NCR3LG1: variants seen among roughly 807,000 people sequenced by gnomAD.
NCR3LG1 encodes the protein natural killer cell cytotoxicity receptor 3 ligand 1.
NCR3LG1 carries 35 observed loss-of-function variants against 34.8 expected under a neutral mutation model. The observed-to-expected ratio is 1.01, with a 90% CI of 0.77 to 1.33. NCR3LG1 has a LOEUF of 1.33. NCR3LG1 is among the 40% of genes most tolerant of loss of function. The probability of loss-of-function intolerance (pLI) is 0.00; values close to 1 mark genes in which losing one functional copy is unlikely to be tolerated. For missense variants in NCR3LG1, 452 were observed against 423.3 expected (o/e 1.07, Z -0.60); for synonymous variants, 173 against 163.6 (o/e 1.06, Z -0.44).
rs569921012 is a variant in NCR3LG1 at position 17,351,899 on chromosome 11, C to G, written c.-71C>G. The G allele has an allele frequency of 2.4e-6, 3 of 1,230,628 alleles. No individual in the cohort carries two copies. Among genetic ancestry groups the G allele is most frequent in the East Asian group, 5.1e-5 (2 of 38,986 alleles). 76.2% of individuals were successfully genotyped at this position (1,230,628 alleles called of 1,614,324 possible). The stretch of plus-strand genomic sequence containing the variant: ...ACTCTTTACGCAACAGAGGTCTCCC[C>G]CTGCCCTTGGTTTCTACCGGGCCGC... On this transcript the variant is annotated 5_prime_UTR_variant, in exon 1 of 5. Coordinates refer to ENST00000338965, the MANE Select transcript of NCR3LG1 (RefSeq NM_001202439.3).
intron 2 of NCR3LG1, among the ~76,000 whole-genome samples, chr11:17,365,266 T>C (rs374634936): frequency 5.0e-4 from 76 of 152,322 alleles, no homozygotes; most frequent in African/African-American, 1.8e-3. Context: ...GTTTCTCTAG[T>C]GTTTTTTTCT....
chr11:17,356,885 G>A lies in NCR3LG1; in HGVS notation c.305G>A (p.Ser102Asn). The A allele has an allele frequency of 4.6e-6, 7 of 1,536,182 alleles. No individual in the cohort carries two copies. The highest frequency in any genetic ancestry group is 1.2e-5 in the South Asian group (1 of 84,064). ...ATTGTGTCTCCATGGAGGCTGAAGA[G>A]TGGGGACGCCTCACTGCGGCTGCCT... ...GAIVSPWRLKSGDASLRLPGI... is the reference protein window; with the variant it reads ...GAIVSPWRLKNGDASLRLPGI... Residue 102 changes from serine to asparagine, a missense_variant, in exon 2 of 5, where the codon AGT (serine) becomes AAT (asparagine). Transcript: ENST00000338965.
In NCR3LG1 at chr11:17,356,662, G is replaced by A; in HGVS notation, c.82G>A (p.Val28Ile). The change falls in exon 2 of 5, where the codon GTA (valine) becomes ATA (isoleucine). Residue 28 changes from valine (V) to isoleucine (I), a missense_variant. Physicochemically the swap from Val to Ile is conservative, Grantham distance 29. Coordinates refer to ENST00000338965, the MANE Select transcript of NCR3LG1 (RefSeq NM_001202439.3). ...TCTTATTGCCACAGGTGATCTGAAA[G>A]TAGAGATGATGGCAGGGGGGACTCA... ...WALTTEGDLK[V>I]EMMAGGTQIT... 6.5e-7 allele frequency: 1 copy of A among 1,532,366 alleles called. No individual in the cohort carries two copies. The highest frequency in any genetic ancestry group is 8.7e-7 in the Non-Finnish European group (1 of 1,144,554). 94.9% of individuals were successfully genotyped at this position (1,532,366 alleles called of 1,614,324 possible).
chr11:17,357,704 T>G (rs903255054), intron 2 of NCR3LG1, among the ~76,000 whole-genome samples: 8 of 151,822 alleles, frequency 5.3e-5, no homozygotes, highest in Non-Finnish European at 1.0e-4. Context: ...GCTTTATATA[T>G]CTATATAAAG....
chr11:17,366,944 C>A, intron 2 of NCR3LG1, 65 bp from the exon 3 acceptor site: 3 of 1,200,448 alleles, frequency 2.5e-6, no homozygotes, highest in Non-Finnish European at 2.3e-6. Context: ...AGCCAGTTAG[C>A]ATAAGGTGTG....
chr11:17,356,758 T>C lies in NCR3LG1; in HGVS notation c.178T>C (p.Ser60Pro). The part of the protein sequence containing the change: ...IFYSQPLNIT[S>P]MGITWFWKSL... ...TTATTCCCAACCCCTCAACATCACG[T>C]CTATGGGTATCACCTGGTTTTGGAA... Residue 60 changes from serine (S) to proline (P), a missense_variant, in exon 2 of 5, where the codon TCT (serine) becomes CCT (proline). By Grantham distance (74) the Ser-to-Pro change is moderately conservative (BLOSUM62 -1). Transcript: ENST00000338965. 1 of 1,536,394 alleles carries C rather than the reference T, an allele frequency of 6.5e-7. No homozygotes were observed. The highest frequency in any genetic ancestry group is 8.7e-7 in the Non-Finnish European group (1 of 1,146,964).
chr11:17,370,849 A>G (rs888374826), intron 4 of NCR3LG1, among the ~76,000 whole-genome samples: 7 of 152,164 alleles, frequency 4.6e-5, no homozygotes, highest in Non-Finnish European at 7.4e-5. Flanking sequence ...TTTGTATGCA[A>G]TGTTGTGGGT....
At chr11:17,361,043 A>G (rs2133347741) in intron 2 of NCR3LG1, among the ~76,000 whole-genome samples, 1 of 151,984 alleles carries the variant, frequency 6.6e-6, no homozygotes, top group East Asian at 1.9e-4. Context: ...TGCCCTATTC[A>G]GTTTCATTGA....
Position 17,374,890 on chromosome 11 carries a change from TAA to T in NCR3LG1, c.*2379_*2380del, listed in dbSNP as rs1953457967. 1.1e-5 allele frequency: 1 copy of T among 94,040 alleles called. No homozygotes were observed. The highest frequency in any genetic ancestry group is 1.0e-4 in the Admixed American group (1 of 9,632). The allele number at this position is 94,040 out of a possible 1,614,324, so 5.8% of individuals were successfully genotyped here. A position where few individuals can be genotyped will look rare whatever the true frequency, so the allele number is the denominator to read the frequency against. On this transcript the variant is annotated 3_prime_UTR_variant, in exon 5 of 5. Coordinates refer to ENST00000338965, the MANE Select transcript of NCR3LG1 (RefSeq NM_001202439.3). Reference sequence around the variant, plus strand: ...CCAGTCTTTCTGTAGGGAAGTCCTTTAATCTTTATGTATCATAAAGGAAAGGA... The same window carrying T: ...CCAGTCTTTCTGTAGGGAAGTCCTTTTCTTTATGTATCATAAAGGAAAGGA...
chr11:17,369,005 C>A, intron 4 of NCR3LG1, 41 bp downstream of exon 4: 1 of 1,357,526 alleles, frequency 7.4e-7, no homozygotes, highest in Non-Finnish European at 1.0e-6. Context: ...GTGTCTTGGG[C>A]TAGTAAAAAG....
At chr11:17,360,601 T>C (rs1953259787) in intron 2 of NCR3LG1, among the ~76,000 whole-genome samples, 1 of 127,038 alleles carries the variant, frequency 7.9e-6, no homozygotes, top group Admixed American at 8.2e-5. Flanking sequence ...TCTATATGTA[T>C]TTTTTTTTTT....
At chr11:17,381,544 T>C (rs1213004560), downstream of NCR3LG1, 2 of 152,648 alleles carry the variant, frequency 1.3e-5, no homozygotes, top group South Asian at 2.1e-4. Flanking sequence ...CAGAACTGTA[T>C]TGCATTTGCT....
chr11:17,356,765 G>T lies in NCR3LG1; in HGVS notation c.185G>T (p.Gly62Val). 6.5e-7 allele frequency: 1 copy of T among 1,536,344 alleles called. No homozygotes were observed. The highest frequency in any genetic ancestry group is 8.7e-7 in the Non-Finnish European group (1 of 1,146,950). ...YSQPLNITSM[G>V]ITWFWKSLTF... Reference sequence around the variant, plus strand: ...CAACCCCTCAACATCACGTCTATGGGTATCACCTGGTTTTGGAAGAGTCTG... The same window carrying T: ...CAACCCCTCAACATCACGTCTATGGTTATCACCTGGTTTTGGAAGAGTCTG... Residue 62 changes from glycine (G) to valine (V), a missense_variant, in exon 2 of 5, where the codon GGT becomes GTT. By Grantham distance (109) the Gly-to-Val change is moderately radical. Coordinates refer to ENST00000338965, the MANE Select transcript of NCR3LG1 (RefSeq NM_001202439.3).
chr11:17,355,254 G>A (rs533913941), intron 1 of NCR3LG1, among the ~76,000 whole-genome samples: 1 of 152,156 alleles, frequency 6.6e-6, no homozygotes, highest in African/African-American at 2.4e-5. Flanking sequence ...AAAATTAGCT[G>A]AGCATGGTGG....
At chr11:17,369,423 C>T (rs1953383433) in intron 4 of NCR3LG1, among the ~76,000 whole-genome samples, 1 of 152,164 alleles carries the variant, frequency 6.6e-6, no homozygotes, top group African/African-American at 2.4e-5. Flanking sequence ...GAATTTCTAA[C>T]CCTCACTAGG....
intron 4 of NCR3LG1, among the ~76,000 whole-genome samples, chr11:17,369,778 T>G (rs1193407393): frequency 6.6e-6 from 1 of 152,238 alleles, no homozygotes; most frequent in African/African-American, 2.4e-5. Flanking sequence ...CAAATGTTTC[T>G]TGTGGTATTT....
intron 3 of NCR3LG1, among the ~76,000 whole-genome samples, 188 bp downstream of exon 3, chr11:17,367,535 A>G (rs907971848): frequency 6.6e-6 from 1 of 152,156 alleles, no homozygotes; most frequent in African/African-American, 2.4e-5. Context: ...AGGTCCCTAC[A>G]CCTGGGCAGA....
At chr11:17,363,461 G>A (rs1040795396) in intron 2 of NCR3LG1, among the ~76,000 whole-genome samples, 1 of 146,422 alleles carries the variant, frequency 6.8e-6, no homozygotes. Context: ...CTATATGTAA[G>A]GTGTGTTTTT....
chr11:17,352,703 C>T (rs1953152511), intron 1 of NCR3LG1, among the ~76,000 whole-genome samples: 3 of 152,112 alleles, frequency 2.0e-5, no homozygotes, highest in Admixed American at 6.5e-5. Flanking sequence ...AAAAATCATT[C>T]ATCCGCATAT....
Sources: gnomAD v4.1 joint callset for allele counts (sites outside exome capture counted in the v4.1 genomes callset) on GRCh38, gnomAD v4.1.1 for gene constraint, MANE v1.5 for transcripts, NCBI Gene and HGNC (gene_info 2026-07-23, HGNC 2026-07-21) for gene names.